TBC1D5: variants seen among roughly 807,000 people sequenced by gnomAD.
The protein encoded by TBC1D5 is TBC1 domain family, member 5.
TBC1D5 carries 75 observed loss-of-function variants against 100.3 expected under a neutral mutation model. That is an observed-to-expected ratio of 0.75 (90% CI 0.62 to 0.91). TBC1D5 has a LOEUF of 0.91. TBC1D5 is among the 40% of genes least tolerant of loss of function. TBC1D5 has a pLI of 0.00. For synonymous variants in TBC1D5, 323 were observed against 325.6 expected, an observed-to-expected ratio of 0.99 and a Z score of 0.09; for missense variants, 910 against 942.4, an observed-to-expected ratio of 0.97 and a Z score of 0.45.
chr3:17,499,357 A>G (rs1233992562), intron 3 of TBC1D5, among the ~76,000 whole-genome samples: 1 of 152,162 alleles, frequency 6.6e-6, no homozygotes, highest in African/African-American at 2.4e-5. Context: ...AAGCCAAGTG[A>G]TAACTCTGAT....
intron 13 of TBC1D5, among the ~76,000 whole-genome samples, chr3:17,347,975 C>G (rs952197182): frequency 9.9e-5 from 15 of 151,370 alleles, no homozygotes; most frequent in African/African-American, 3.4e-4. Flanking sequence ...TGCACTCCAG[C>G]CTGGGTGACA....
At chr3:17,494,116 C>T (rs777719573) in intron 3 of TBC1D5, among the ~76,000 whole-genome samples, 21 of 152,062 alleles carry the variant, frequency 1.4e-4, no homozygotes, top group Non-Finnish European at 2.9e-4. Context: ...TTGATGTTGT[C>T]GTTGATGCTA....
At chr3:17,723,926 C>A (rs2075898048) in intron 1 of TBC1D5, among the ~76,000 whole-genome samples, 1 of 152,056 alleles carries the variant, frequency 6.6e-6, no homozygotes, top group East Asian at 1.9e-4. Context: ...CATTATAATA[C>A]TAGAACCAAT....
At chr3:17,379,820 A>T (rs901240397) in intron 9 of TBC1D5, among the ~76,000 whole-genome samples, 10 of 152,080 alleles carry the variant, frequency 6.6e-5, no homozygotes, top group African/African-American at 2.2e-4. Context: ...ACAACAATTA[A>T]TAAGAATAGA....
chr3:17,548,821 C>G (rs2096444896), intron 2 of TBC1D5, among the ~76,000 whole-genome samples: 1 of 152,124 alleles, frequency 6.6e-6, no homozygotes, highest in African/African-American at 2.4e-5. Context: ...AGCTACAAAA[C>G]ATACAATTAA....
intron 4 of TBC1D5, among the ~76,000 whole-genome samples, chr3:17,415,793 C>T (rs1219371942): frequency 6.6e-6 from 1 of 152,088 alleles, no homozygotes; most frequent in Non-Finnish European, 1.5e-5. Context: ...ACTCATGCTT[C>T]CTCTATAATT....
At chr3:17,712,848 A>C (rs2074871267) in intron 1 of TBC1D5, among the ~76,000 whole-genome samples, 1 of 152,164 alleles carries the variant, frequency 6.6e-6, no homozygotes, top group South Asian at 2.1e-4. Flanking sequence ...GAAATAAATA[A>C]ATTAAATAGT....
chr3:17,712,545 T>A (rs1170541269), intron 1 of TBC1D5, among the ~76,000 whole-genome samples: 2 of 152,190 alleles, frequency 1.3e-5, no homozygotes, highest in African/African-American at 2.4e-5. Context: ...CTGCCATCCA[T>A]CATTTTTAAA....
intron 3 of TBC1D5, among the ~76,000 whole-genome samples, chr3:17,476,781 G>A (rs530878177): frequency 4.5e-4 from 68 of 151,884 alleles, no homozygotes; most frequent in Non-Finnish European, 3.2e-4. Flanking sequence ...TTCCAATGAA[G>A]TTTCATAACG....
At chr3:17,579,407 T>TC (rs2096678415) in intron 2 of TBC1D5, among the ~76,000 whole-genome samples, 1 of 152,114 alleles carries the variant, frequency 6.6e-6, no homozygotes, top group Non-Finnish European at 1.5e-5. Flanking sequence ...CCTTCCAATT[T>TC]GTCAATCTTC....
chr3:17,693,216 T>C (rs1273590034), intron 1 of TBC1D5, among the ~76,000 whole-genome samples: 1 of 152,156 alleles, frequency 6.6e-6, no homozygotes, highest in South Asian at 2.1e-4. Flanking sequence ...ACCTGGTTCA[T>C]CTCATTGGGA....
At chr3:17,255,779 C>T (rs1433435364) in intron 16 of TBC1D5, among the ~76,000 whole-genome samples, 1 of 152,114 alleles carries the variant, frequency 6.6e-6, no homozygotes, top group African/African-American at 2.4e-5. Context: ...TGGCTCACGC[C>T]TGCAATCCCA....
intron 1 of TBC1D5, among the ~76,000 whole-genome samples, chr3:17,640,924 C>G (rs193175607): frequency 9.1e-4 from 138 of 151,548 alleles, no homozygotes; most frequent in African/African-American, 3.2e-3. Context: ...ACAGGATATT[C>G]TTCCAGGAAA....
chr3:17,260,307 C>T (rs2078159711), intron 15 of TBC1D5, among the ~76,000 whole-genome samples: 1 of 152,034 alleles, frequency 6.6e-6, no homozygotes, highest in South Asian at 2.1e-4. Context: ...TACTTTTTGC[C>T]ATAAAATAAT....
At chr3:17,711,841 T>C (rs2074769500) in intron 1 of TBC1D5, among the ~76,000 whole-genome samples, 1 of 152,242 alleles carries the variant, frequency 6.6e-6, no homozygotes. Flanking sequence ...TATCTCCCAG[T>C]GCACACCTCC....
At chr3:17,656,777 C>T (rs1195569257) in intron 1 of TBC1D5, among the ~76,000 whole-genome samples, 3 of 151,876 alleles carry the variant, frequency 2.0e-5, no homozygotes, top group Admixed American at 2.0e-4. Flanking sequence ...TATGTTTTTT[C>T]GCTAGAAAAT....
intron 8 of TBC1D5, 102 bp from the exon 9 acceptor site, chr3:17,384,117 G>C (rs2093056222): frequency 3.1e-6 from 3 of 973,682 alleles, no homozygotes; most frequent in Admixed American, 4.7e-5. Flanking sequence ...TCAGGTTTTA[G>C]AACAAGCCTG....
intron 2 of TBC1D5, among the ~76,000 whole-genome samples, chr3:17,533,915 C>A (rs887678459): frequency 1.5e-5 from 2 of 136,348 alleles, no homozygotes; most frequent in Non-Finnish European, 3.0e-5. Flanking sequence ...TAGATAGATT[C>A]ATTTCATATT....
chr3:17,450,268 A>T (rs1415712811), intron 3 of TBC1D5, among the ~76,000 whole-genome samples: 1 of 152,220 alleles, frequency 6.6e-6, no homozygotes, highest in East Asian at 1.9e-4. Flanking sequence ...AAATCCACGA[A>T]GATAAGGAAA....
Sources: allele counts gnomAD v4.1 joint callset (sites outside exome capture counted in the v4.1 genomes callset), GRCh38; gene constraint gnomAD v4.1.1; transcripts MANE v1.5; gene names NCBI Gene and HGNC (gene_info 2026-07-23, HGNC 2026-07-21).